Variants in CREBL2 observed in about 807,000 individuals in gnomAD.
CREBL2 encodes the protein cAMP responsive element binding protein like 2, also known as cAMP-responsive element-binding protein-like 2.
In CREBL2, 4 loss-of-function variants were observed where a neutral mutation model predicts 19.5. The ratio of observed to expected loss-of-function variants is 0.20; its 90% CI spans 0.10 to 0.47. The LOEUF (loss-of-function observed/expected upper bound fraction) is 0.47, where lower values mean the gene tolerates loss of function less well. Ranked by LOEUF, CREBL2 falls within the 20% of genes least tolerant of loss-of-function variation. The probability of loss-of-function intolerance (pLI) is 0.98; values close to 1 mark genes in which losing one functional copy is unlikely to be tolerated. For missense variants in CREBL2, 85 were observed against 145.1 expected (o/e 0.59, Z 2.13); for synonymous variants, 42 against 46.6 (o/e 0.90, Z 0.40).
At chr12:12,637,512 A>C in intron 2 of CREBL2, 58 bp from the exon 3 acceptor site, 2 of 1,119,964 alleles carry the variant, frequency 1.8e-6, no homozygotes, top group East Asian at 3.4e-5. Context: ...TGACAAGTAA[A>C]AGTTAATTTA....
intron 1 of CREBL2, among the ~76,000 whole-genome samples, chr12:12,620,603 G>T (rs1266711720): frequency 6.6e-6 from 1 of 152,154 alleles, no homozygotes; most frequent in Non-Finnish European, 1.5e-5. Flanking sequence ...AAACCAAGGA[G>T]TAATTTAAAT....
At chr12:12,614,639 T>G (rs367557891) in intron 1 of CREBL2, 24 of 283,268 alleles carry the variant, frequency 8.5e-5, no homozygotes, top group Middle Eastern at 2.5e-3. Context: ...AGCTAATTTT[T>G]TGCAGAGATG....
chr12:12,614,788 T>C lies in CREBL2; in HGVS notation c.15+2601T>C, dbSNP rs187739985. On this transcript the variant is annotated intron_variant, in intron 1 of 3. Transcript: ENST00000228865. ...TCTTTCCCTTTTTTGTTTACAACAA[T>C]GCCAACAGAATGCTGGGTAACATTG... The C allele has an allele frequency of 1.2e-3, 478 of 388,120 alleles. 3 individuals are homozygous for C. The highest frequency in any genetic ancestry group is 3.1e-3 in the East Asian group (42 of 13,346). 24.0% of individuals were successfully genotyped at this position (388,120 alleles called of 1,614,324 possible).
At chr12:12,627,345 T>C (rs1184841232) in intron 1 of CREBL2, among the ~76,000 whole-genome samples, 3 of 152,074 alleles carry the variant, frequency 2.0e-5, no homozygotes, top group African/African-American at 7.2e-5. Context: ...TGTAAAAAAA[T>C]AAAGTCTATT....
Position 12,641,253 on chromosome 12 carries a change from A to ATTTTTTTTTTTTTTTTTTTTTTTT in CREBL2, c.359-732_359-731insTTTTTTTTTTTTTTTTTTTTTTTT, listed in dbSNP as rs142404101. ...TATTATTATTATTATTATTATTATT[A>ATTTTTTTTTTTTTTTTTTTTTTTT]TTTTTTTTTATTTTTTTTTTTTTTA... is the stretch of plus-strand genomic sequence containing the variant. On this transcript the variant is annotated intron_variant, in intron 3 of 3. Coordinates refer to ENST00000228865, the MANE Select transcript of CREBL2 (RefSeq NM_001310.4). Among the ~76,000 whole-genome samples the ATTTTTTTTTTTTTTTTTTTTTTTT allele has an allele frequency of 8.9e-5, 7 of 78,240 alleles. 2 individuals carry two copies. Among genetic ancestry groups the ATTTTTTTTTTTTTTTTTTTTTTTT allele is most frequent in the Non-Finnish European group, 1.8e-4 (7 of 39,932 alleles). The allele number at this position is 78,240 out of a possible 152,430, so 51.3% of individuals were successfully genotyped here.
chr12:12,620,268 CTG>C (rs1945349931), intron 1 of CREBL2, among the ~76,000 whole-genome samples: 3 of 151,106 alleles, frequency 2.0e-5, no homozygotes, highest in Non-Finnish European at 4.4e-5. Context: ...CGGTCTCACT[CTG>C]TCACCCAGGC....
chr12:12,612,075 T>C lies in CREBL2; in HGVS notation c.-98T>C. The C allele has an allele frequency of 6.8e-7, 1 of 1,461,814 alleles. No individual in the cohort carries two copies. 90.6% of individuals were successfully genotyped at this position (1,461,814 alleles called of 1,614,324 possible). ...CGAGAGGAGGAGGCAGCCAGAACCATATCCCCTTCTTCCTCGGGGCGGGGG... is the reference window on the plus strand; with the variant it reads ...CGAGAGGAGGAGGCAGCCAGAACCACATCCCCTTCTTCCTCGGGGCGGGGG... On this transcript the variant is annotated 5_prime_UTR_variant, in exon 1 of 4. Transcript: ENST00000228865.
At chr12:12,613,142 T>A (rs555418121) in intron 1 of CREBL2, among the ~76,000 whole-genome samples, 3 of 152,352 alleles carry the variant, frequency 2.0e-5, no homozygotes, top group African/African-American at 7.2e-5. Flanking sequence ...AGTGCTGGGA[T>A]TACAGGCGTG....
chr12:12,633,526 A>G (rs981105323), intron 1 of CREBL2, among the ~76,000 whole-genome samples: 3 of 152,248 alleles, frequency 2.0e-5, no homozygotes, highest in Non-Finnish European at 4.4e-5. Flanking sequence ...CTAACTTGGA[A>G]GCAGTACTGA....
intron 3 of CREBL2, among the ~76,000 whole-genome samples, chr12:12,639,973 AGGAC>A (rs2136307788): frequency 6.6e-6 from 1 of 152,336 alleles, no homozygotes. Context: ...TTGAGGGAAC[AGGAC>A]AAGGGCAAAA....
intron 1 of CREBL2, among the ~76,000 whole-genome samples, chr12:12,633,032 C>T (rs557598247): frequency 3.3e-5 from 5 of 151,650 alleles, no homozygotes; most frequent in Non-Finnish European, 7.4e-5. Context: ...CTCCCACGTT[C>T]AAGCGATTCT....
At position 12,641,371 on chromosome 12, in the gene CREBL2, G is replaced by A. The variant is rs531046753; in HGVS notation, c.359-623G>A. The stretch of plus-strand genomic sequence containing the variant: ...CACCCAGGCTGGAGTGCAGTGGCAC[G>A]ATCTTGGCTCACTGCAACCTCTGCC... On this transcript the variant is annotated intron_variant, in intron 3 of 3. Transcript: ENST00000228865. Among the ~76,000 whole-genome samples, 26 of 149,650 alleles carry A rather than the reference G, an allele frequency of 1.7e-4. No homozygotes were observed. In the South Asian group the frequency reaches 2.1e-3, roughly 12 times the overall value.
At position 12,642,037 on chromosome 12, in the gene CREBL2, T is replaced by A; in HGVS notation, c.*39T>A. On this transcript the variant is annotated 3_prime_UTR_variant, in exon 4 of 4. Coordinates refer to ENST00000228865, the MANE Select transcript of CREBL2 (RefSeq NM_001310.4). Reference sequence around the variant, plus strand: ...ATGAGTCAGTGATTGAAGCCAATATTCTGATTCCCATGGAAGATGGATGGG... The same window carrying A: ...ATGAGTCAGTGATTGAAGCCAATATACTGATTCCCATGGAAGATGGATGGG... The A allele has an allele frequency of 6.5e-7, 1 of 1,532,550 alleles. No individual in the cohort carries two copies. The highest frequency in any genetic ancestry group is 1.2e-5 in the South Asian group (1 of 85,950). 94.9% of individuals were successfully genotyped at this position (1,532,550 alleles called of 1,614,324 possible). A position where few individuals can be genotyped will look rare whatever the true frequency, so the allele number is the denominator to read the frequency against.
At chr12:12,638,256 C>T (rs1945490827) in intron 3 of CREBL2, among the ~76,000 whole-genome samples, 1 of 152,092 alleles carries the variant, frequency 6.6e-6, no homozygotes. Context: ...CCCTGGCCAA[C>T]ATGGTGAAAC....
chr12:12,623,784 A>C (rs78514047), intron 1 of CREBL2, among the ~76,000 whole-genome samples: 2,322 of 152,288 alleles, frequency 0.015, 47 homozygotes, highest in African/African-American at 0.053. Flanking sequence ...ATGGCAAAAG[A>C]TGTGATTAAG....
At chr12:12,636,671 T>C (rs2136306509) in intron 2 of CREBL2, among the ~76,000 whole-genome samples, 1 of 152,374 alleles carries the variant, frequency 6.6e-6, no homozygotes, top group South Asian at 2.1e-4. Context: ...TCCACTCGCC[T>C]TGGCCTCCCA....
chr12:12,612,090 C>A lies in CREBL2; in HGVS notation c.-83C>A. 2 of 1,554,988 alleles carry A rather than the reference C, an allele frequency of 1.3e-6. No individual in the cohort carries two copies. The highest frequency in any genetic ancestry group is 1.8e-6 in the Non-Finnish European group (2 of 1,136,592). On this transcript the variant is annotated 5_prime_UTR_variant, in exon 1 of 4. Coordinates refer to ENST00000228865, the MANE Select transcript of CREBL2 (RefSeq NM_001310.4). ...GCCAGAACCATATCCCCTTCTTCCT[C>A]GGGGCGGGGGCCGGGCCAGGCCGGC...
chr12:12,630,114 G>A lies in CREBL2; in HGVS notation c.16-5663G>A, dbSNP rs143809529. Reference sequence around the variant, plus strand: ...GGTTTCAAGTACATATTGGCCTCGTGGAGTAAGTTGAAATAAGCTTTCTCC... The same window carrying A: ...GGTTTCAAGTACATATTGGCCTCGTAGAGTAAGTTGAAATAAGCTTTCTCC... On this transcript the variant is annotated intron_variant, in intron 1 of 3. Coordinates refer to ENST00000228865, the MANE Select transcript of CREBL2 (RefSeq NM_001310.4). 1.9e-3 allele frequency among the ~76,000 whole-genome samples: 293 copies of A among 152,138 alleles called. 2 individuals carry two copies. Among genetic ancestry groups the A allele is most frequent in the African/African-American group, 6.9e-3 (286 of 41,536 alleles).
intron 1 of CREBL2, among the ~76,000 whole-genome samples, chr12:12,626,881 A>AT (rs1374215941): frequency 1.3e-5 from 2 of 148,950 alleles, no homozygotes; most frequent in Non-Finnish European, 3.0e-5. Flanking sequence ...TAAAAAAAAA[A>AT]AGAAAAGAAA....
Sources: allele counts gnomAD v4.1 joint callset (sites outside exome capture counted in the v4.1 genomes callset), GRCh38; gene constraint gnomAD v4.1.1; transcripts MANE v1.5; gene names NCBI Gene and HGNC (gene_info 2026-07-23, HGNC 2026-07-21).